The following PROM1 variants were observed in gnomAD, a reference collection of about 807,000 sequenced individuals.
The protein encoded by PROM1 is prominin-1.
PROM1 carries 105 observed loss-of-function variants against 116.9 expected under a neutral mutation model. The ratio of observed to expected loss-of-function variants is 0.90; its 90% CI spans 0.77 to 1.06. The LOEUF (loss-of-function observed/expected upper bound fraction) is 1.06, where lower values mean the gene tolerates loss of function less well. Ranked by LOEUF, PROM1 falls within the 50% of genes least tolerant of loss-of-function variation. PROM1 has a pLI of 0.00. For missense variants in PROM1, 1,122 were observed against 1,045.2 expected (o/e 1.07, Z -1.01); for synonymous variants, 393 against 387.0 (o/e 1.02, Z -0.18).
intron 2 of PROM1, among the ~76,000 whole-genome samples, chr4:16,041,146 G>A (rs1735129030): frequency 6.6e-6 from 1 of 152,190 alleles, no homozygotes; most frequent in Non-Finnish European, 1.5e-5. Flanking sequence ...GTTGACATTT[G>A]CACTAGGGTG....
At chr4:16,050,427 C>T (rs1012139583) in intron 2 of PROM1, among the ~76,000 whole-genome samples, 1 of 152,218 alleles carries the variant, frequency 6.6e-6, no homozygotes, top group Non-Finnish European at 1.5e-5. Context: ...GATCATGGCT[C>T]ACTGCATACA....
chr4:16,065,592 G>A (rs1430459673), intron 2 of PROM1, among the ~76,000 whole-genome samples: 1 of 152,180 alleles, frequency 6.6e-6, no homozygotes, highest in Non-Finnish European at 1.5e-5. Flanking sequence ...AACACCATCT[G>A]CCAAACAGCG....
chr4:15,999,420 T>A (rs903448923), intron 14 of PROM1, among the ~76,000 whole-genome samples: 5 of 151,314 alleles, frequency 3.3e-5, no homozygotes, highest in African/African-American at 1.2e-4. Context: ...GCAGTGAGCC[T>A]AGATGGCACC....
At position 16,008,980 on chromosome 4, in the gene PROM1, A is replaced by C; in HGVS notation, c.1270T>G (p.Leu424Val). 1 of 1,595,090 alleles carries C rather than the reference A, an allele frequency of 6.3e-7. No homozygotes were observed. Among genetic ancestry groups the C allele is most frequent in the Middle Eastern group, 1.8e-4 (1 of 5,678 alleles). Residue 424 changes from leucine (L) to valine (V), a missense_variant, in exon 12 of 28, where the codon TTA (leucine) becomes GTA (valine). Physicochemically the swap from Leu to Val is conservative, Grantham distance 32. Transcript: ENST00000447510. ...GAATCATACTCTTCCAATGTAGGTA[A>C]ATTTCTGTGGATGTAACTTTCAGTG... ...NNTESYIHRN[L>V]PTLEEYDSYW...
intron 8 of PROM1, among the ~76,000 whole-genome samples, chr4:16,020,692 C>T (rs999901986): frequency 3.3e-5 from 5 of 152,110 alleles, no homozygotes; most frequent in African/African-American, 1.2e-4. Flanking sequence ...CAGAGAATGA[C>T]AGGTGATAAA....
intron 7 of PROM1, 127 bp downstream of exon 7, chr4:16,024,168 A>G: frequency 2.4e-6 from 2 of 826,790 alleles, no homozygotes; most frequent in Admixed American, 2.4e-5. Flanking sequence ...CACATTGGCA[A>G]TAAGGCTAGG....
intron 2 of PROM1, among the ~76,000 whole-genome samples, chr4:16,074,434 GC>G (rs1322706131): frequency 2.0e-5 from 3 of 152,094 alleles, no homozygotes; most frequent in Non-Finnish European, 2.9e-5. Context: ...CTCCAAATAA[GC>G]CAAGAGATGT....
rs541912535 is a variant in PROM1, at chr4:16,080,965, G to A, written c.-213+3013C>T. The stretch of plus-strand genomic sequence containing the variant: ...GGCATGTCCTAGATTCCTAAGCCTG[G>A]CTAGCCAGCCTTGCTGCCACTTACC... On this transcript the variant is annotated intron_variant, in intron 1 of 27. Coordinates refer to ENST00000447510, the MANE Select transcript of PROM1 (RefSeq NM_006017.3). Among the ~76,000 whole-genome samples the A allele has an allele frequency of 3.9e-5, 6 of 152,114 alleles. No individual in the cohort carries two copies. The East Asian group carries it at 1.2e-3, about 29-fold the overall frequency.
intron 26 of PROM1, chr4:15,976,040 T>C (rs1291009123): frequency 2.7e-6 from 1 of 363,658 alleles, no homozygotes; most frequent in Admixed American, 3.3e-5. Context: ...AGTATATCCC[T>C]AGCCCCAGGC....
chr4:16,035,193 G>T (rs1299777634), intron 4 of PROM1, among the ~76,000 whole-genome samples: 1 of 152,150 alleles, frequency 6.6e-6, no homozygotes, highest in Non-Finnish European at 1.5e-5. Context: ...AATACCACTT[G>T]TCAGTTAAGA....
intron 5 of PROM1, among the ~76,000 whole-genome samples, chr4:16,031,910 AT>A (rs902192583): frequency 6.6e-6 from 1 of 151,998 alleles, no homozygotes; most frequent in Non-Finnish European, 1.5e-5. Flanking sequence ...TGTTGTGAAG[AT>A]TTTTTTTGTC....
chr4:16,004,683 TTC>T (rs777155699), intron 13 of PROM1, among the ~76,000 whole-genome samples: 3 of 152,126 alleles, frequency 2.0e-5, no homozygotes, highest in Non-Finnish European at 4.4e-5. Flanking sequence ...CCTAATAATC[TTC>T]TGTTTAATGT....
chr4:16,080,286 C>T (rs1444392869), intron 1 of PROM1, among the ~76,000 whole-genome samples: 3 of 151,782 alleles, frequency 2.0e-5, no homozygotes, highest in African/African-American at 4.8e-5. Context: ...TTTGGGAGGC[C>T]GAGGCGGGCG....
At chr4:16,020,147 A>G (rs1199631400) in intron 8 of PROM1, among the ~76,000 whole-genome samples, 1 of 152,198 alleles carries the variant, frequency 6.6e-6, no homozygotes, top group East Asian at 1.9e-4. Context: ...AGGTCTGGTT[A>G]GATACTGCAA....
At chr4:16,016,062 C>A in intron 10 of PROM1, 104 bp downstream of exon 10, 1 of 1,046,230 alleles carries the variant, frequency 9.6e-7, no homozygotes, top group Non-Finnish European at 1.4e-6. Flanking sequence ...GGCAACCTTT[C>A]TCTAGAATTT....
intron 10 of PROM1, among the ~76,000 whole-genome samples, chr4:16,014,838 A>C (rs1476189742): frequency 6.6e-6 from 1 of 152,244 alleles, no homozygotes; most frequent in East Asian, 1.9e-4. Context: ...AGTTGAATAA[A>C]GAGCAAGATT....
intron 14 of PROM1, among the ~76,000 whole-genome samples, chr4:16,000,199 T>G (rs955299167): frequency 3.3e-5 from 5 of 152,182 alleles, no homozygotes; most frequent in Non-Finnish European, 7.4e-5. Flanking sequence ...GAAAATTCTT[T>G]TCTCCCCAAA....
At chr4:15,980,343 G>T in intron 24 of PROM1, 79 bp downstream of exon 24, 1 of 887,416 alleles carries the variant, frequency 1.1e-6, no homozygotes, top group Non-Finnish European at 1.7e-6. Flanking sequence ...AACCTCATCA[G>T]AACTCATCTT....
intron 13 of PROM1, among the ~76,000 whole-genome samples, chr4:16,004,127 T>G (rs966924295): frequency 2.0e-5 from 3 of 152,246 alleles, no homozygotes; most frequent in African/African-American, 7.2e-5. Context: ...TCCAGTTGTT[T>G]ACCAGATACC....
Sources: allele counts gnomAD v4.1 joint callset (sites outside exome capture counted in the v4.1 genomes callset), GRCh38; gene constraint gnomAD v4.1.1; transcripts MANE v1.5; gene names NCBI Gene and HGNC (gene_info 2026-07-23, HGNC 2026-07-21).